The following GNA13 variants were observed in gnomAD, a reference collection of about 807,000 sequenced individuals.
GNA13 encodes the protein guanine nucleotide-binding protein subunit alpha-13.
Under a neutral mutation model 33.5 loss-of-function variants are expected in GNA13, and 4 were observed. The ratio of observed to expected loss-of-function variants is 0.12; its 90% confidence interval spans 0.06 to 0.27. GNA13 has a LOEUF of 0.27. Ranked by LOEUF, GNA13 falls within the 10% of genes least tolerant of loss-of-function variation. The pLI is 1.00. For missense variants in GNA13, 319 were observed against 487.2 expected, an observed-to-expected ratio of 0.65 and a Z score of 3.25; for synonymous variants, 176 against 183.8, an observed-to-expected ratio of 0.96 and a Z score of 0.34.
At chr17:65,021,027 C>T (rs1042851669) in intron 2 of GNA13, among the ~76,000 whole-genome samples, 2 of 152,138 alleles carry the variant, frequency 1.3e-5, no homozygotes, top group Admixed American at 6.6e-5. Flanking sequence ...TTATTTTATT[C>T]GGCCCTTAGC....
chr17:65,017,581 C>T (rs1906413526), intron 3 of GNA13, among the ~76,000 whole-genome samples: 1 of 152,206 alleles, frequency 6.6e-6, no homozygotes, highest in Non-Finnish European at 1.5e-5. Flanking sequence ...GCTCTGCCTG[C>T]AGTGGGCCCC....
intron 2 of GNA13, among the ~76,000 whole-genome samples, chr17:65,020,402 C>T (rs1455917966): frequency 6.6e-6 from 1 of 152,122 alleles, no homozygotes; most frequent in East Asian, 1.9e-4. Flanking sequence ...TAAGTTCTGC[C>T]CTGTGCAACA....
At chr17:65,055,510 T>C (rs1307858827) in intron 1 of GNA13, 11 of 544,544 alleles carry the variant, frequency 2.0e-5, no homozygotes, top group Admixed American at 6.4e-5. Context: ...GAAGCAGTGG[T>C]ACTCCCTTCC....
intron 2 of GNA13, among the ~76,000 whole-genome samples, chr17:65,051,348 G>C (rs1442430656): frequency 6.6e-6 from 1 of 152,142 alleles, no homozygotes; most frequent in Non-Finnish European, 1.5e-5. Flanking sequence ...AGGCACAGTG[G>C]CTCATGCCTG....
intron 2 of GNA13, among the ~76,000 whole-genome samples, chr17:65,040,560 C>T (rs973056361): frequency 1.3e-5 from 2 of 152,098 alleles, no homozygotes; most frequent in African/African-American, 2.4e-5. Context: ...GCTGGAGTGC[C>T]GTGGCATGAC....
Position 65,010,632 on chromosome 17 carries a change from G to A in GNA13, c.*3625C>T, listed in dbSNP as rs1282323402. 1 of 205,664 alleles carries A rather than the reference G, an allele frequency of 4.9e-6. No individual in the cohort carries two copies. The highest frequency in any genetic ancestry group is 9.9e-6 in the Non-Finnish European group (1 of 100,542). 12.7% of individuals were successfully genotyped at this position (205,664 alleles called of 1,614,324 possible). On this transcript the variant is annotated 3_prime_UTR_variant, in exon 4 of 4. Transcript: ENST00000439174. ...GACAAATTAACTAGGTACTAAGTCA[G>A]ATTTCCAAGTGAAAAAGACATGAGC...
intron 1 of GNA13, 69 bp downstream of exon 1, chr17:65,056,242 C>CGGG: frequency 3.2e-6 from 3 of 934,692 alleles, no homozygotes; most frequent in Non-Finnish European, 4.7e-6. Flanking sequence ...GGGCGGTGCC[C>CGGG]CGCCCCGCAC....
At chr17:65,030,844 C>G (rs1266502109) in intron 2 of GNA13, among the ~76,000 whole-genome samples, 2 of 152,152 alleles carry the variant, frequency 1.3e-5, no homozygotes, top group African/African-American at 2.4e-5. Flanking sequence ...AAGACCCCAT[C>G]TCAATTTTTT....
rs1277442608 is a variant in GNA13, at chr17:65,013,410, T to C, written c.*847A>G. 1 of 210,576 alleles carries C rather than the reference T, an allele frequency of 4.7e-6. No homozygotes were observed. The highest frequency in any genetic ancestry group is 2.3e-5 in the African/African-American group (1 of 44,128). The allele number at this position is 210,576 out of a possible 1,614,324, so 13.0% of individuals were successfully genotyped here. On this transcript the variant is annotated 3_prime_UTR_variant, in exon 4 of 4. Transcript: ENST00000439174. ...ACATGACATTCTGGAACAGGTTAAGTTTATTTAGAAAGTTCTGTTACCAAG... is the reference window on the plus strand; with the variant it reads ...ACATGACATTCTGGAACAGGTTAAGCTTATTTAGAAAGTTCTGTTACCAAG...
At chr17:65,040,430 G>A (rs538070241) in intron 2 of GNA13, among the ~76,000 whole-genome samples, 65 of 152,294 alleles carry the variant, frequency 4.3e-4, no homozygotes, top group Admixed American at 1.6e-3. Context: ...AACTGAATTG[G>A]ATAAATCACA....
At chr17:65,016,757 C>A (rs1017746624) in intron 3 of GNA13, among the ~76,000 whole-genome samples, 4 of 152,218 alleles carry the variant, frequency 2.6e-5, no homozygotes, top group African/African-American at 9.7e-5. Flanking sequence ...TTAGCTTTTC[C>A]ATGTTTTCTT....
At chr17:65,041,643 G>T (rs939174469) in intron 2 of GNA13, among the ~76,000 whole-genome samples, 1 of 152,114 alleles carries the variant, frequency 6.6e-6, no homozygotes, top group Admixed American at 6.5e-5. Flanking sequence ...GAAAGAGTAC[G>T]TCTGTGTGTG....
rs760411942 is a variant in GNA13, at chr17:65,056,600, G to A, written c.-7C>T. The A allele has an allele frequency of 3.8e-6, 6 of 1,572,130 alleles. No homozygotes were observed. The South Asian group carries it at 4.5e-5, about 12-fold the overall frequency. ...ACGGCAGGAAGTCCGCCATCTTGCC[G>A]CCGCCGCCGCCGCCTCGGCGGGCCC... On this transcript the variant is annotated 5_prime_UTR_variant, in exon 1 of 4. Coordinates refer to ENST00000439174, the MANE Select transcript of GNA13 (RefSeq NM_006572.6).
intron 1 of GNA13, 60 bp downstream of exon 1, chr17:65,056,251 A>ACCCCCCCCCCCCCCCCCCCC: frequency 2.3e-4 from 167 of 740,488 alleles, no homozygotes; most frequent in Middle Eastern, 4.5e-4. Context: ...CCCGCCCCGC[A>ACCCCCCCCCCCCCCCCCCCC]CCCGCCGCCG....
intron 2 of GNA13, among the ~76,000 whole-genome samples, chr17:65,038,635 G>A (rs767155789): frequency 5.3e-5 from 8 of 152,084 alleles, no homozygotes; most frequent in South Asian, 2.1e-4. Context: ...CCATGTTGGC[G>A]AGGCTGGTCT....
intron 2 of GNA13, among the ~76,000 whole-genome samples, chr17:65,044,376 A>G (rs1025453580): frequency 2.6e-5 from 4 of 152,248 alleles, no homozygotes; most frequent in Admixed American, 2.0e-4. Flanking sequence ...ATAGGTTCAC[A>G]ATATAGACAA....
intron 2 of GNA13, among the ~76,000 whole-genome samples, chr17:65,042,461 G>T (rs988960897): frequency 6.6e-6 from 1 of 152,048 alleles, no homozygotes; most frequent in Non-Finnish European, 1.5e-5. Context: ...CGGTGGCTGG[G>T]CACGGTGGCT....
intron 2 of GNA13, among the ~76,000 whole-genome samples, chr17:65,033,074 G>A (rs1907107976): frequency 6.6e-6 from 1 of 151,214 alleles, no homozygotes; most frequent in Admixed American, 6.6e-5. Context: ...TCGTGCCACT[G>A]TACTCTAGCC....
chr17:65,016,727 A>G (rs1483942781), intron 3 of GNA13, among the ~76,000 whole-genome samples: 2 of 152,244 alleles, frequency 1.3e-5, no homozygotes, highest in Admixed American at 1.3e-4. Context: ...CATTCATTAA[A>G]TAACTCTAGG....
Sources: gnomAD v4.1 joint callset for allele counts (sites outside exome capture counted in the v4.1 genomes callset) on GRCh38, gnomAD v4.1.1 for gene constraint, MANE v1.5 for transcripts, NCBI Gene and HGNC (gene_info 2026-07-23, HGNC 2026-07-21) for gene names.